Variants in ATF6 observed in about 807,000 individuals in gnomAD.
The protein encoded by ATF6 is activating transcription factor 6.
In ATF6, 53 loss-of-function variants were observed where a neutral mutation model predicts 83.6. That is an observed-to-expected ratio of 0.63 (90% CI 0.51 to 0.80). The LOEUF is 0.80. Ranked by LOEUF, ATF6 falls within the 30% of genes least tolerant of loss-of-function variation. The pLI, the probability that ATF6 is intolerant of heterozygous loss-of-function variation, is 0.00. For synonymous variants in ATF6, 288 were observed against 285.8 expected, an observed-to-expected ratio of 1.01 and a Z score of -0.08; for missense variants, 744 against 797.9, an observed-to-expected ratio of 0.93 and a Z score of 0.81.
intron 15 of ATF6, among the ~76,000 whole-genome samples, chr1:161,932,742 C>G (rs189343447): frequency 1.3e-5 from 2 of 152,296 alleles, no homozygotes; most frequent in South Asian, 2.1e-4. Flanking sequence ...TGGTTCTGCT[C>G]TAGGTCTCTC....
At chr1:161,942,900 G>T (rs893947005) in intron 15 of ATF6, among the ~76,000 whole-genome samples, 107 of 152,288 alleles carry the variant, frequency 7.0e-4, no homozygotes, top group African/African-American at 2.5e-3. Context: ...CTGTCACCCA[G>T]GCTGGAGTGC....
intron 9 of ATF6, among the ~76,000 whole-genome samples, chr1:161,824,834 A>G: frequency 6.6e-6 from 1 of 152,264 alleles, no homozygotes; most frequent in African/African-American, 2.4e-5. Context: ...GCAAGGAATC[A>G]AGGATGCAAA....
At position 161,920,294 on chromosome 1, in the gene ATF6, C is replaced by CTTTTTTTTTTTTTTTTTTTTT. The variant is rs71798307; in HGVS notation, c.1804+7932_1804+7933insTTTTTTTTTTTTTTTTTTTTT. Among the ~76,000 whole-genome samples, 239 of 54,840 alleles carry CTTTTTTTTTTTTTTTTTTTTT rather than the reference C, an allele frequency of 4.4e-3. 75 individuals are homozygous for CTTTTTTTTTTTTTTTTTTTTT. Among genetic ancestry groups the CTTTTTTTTTTTTTTTTTTTTT allele is most frequent in the Non-Finnish European group, 5.7e-3 (172 of 30,142 alleles). The allele number at this position is 54,840 out of a possible 152,430, so 36.0% of individuals were successfully genotyped here. Reference sequence around the variant, plus strand: ...TAGTTCTCTTTCTCTCTCTCTCTCTCTTTTTTTTTTTTTTTTTTGAGACAG... The same window carrying CTTTTTTTTTTTTTTTTTTTTT: ...TAGTTCTCTTTCTCTCTCTCTCTCTCTTTTTTTTTTTTTTTTTTTTTTTTTTTTTTTTTTTTTTTGAGACAG... On this transcript the variant is annotated intron_variant, in intron 15 of 15. Coordinates refer to ENST00000367942, the MANE Select transcript of ATF6 (RefSeq NM_007348.4).
At chr1:161,827,732 AAT>A (rs1348762336) in intron 9 of ATF6, among the ~76,000 whole-genome samples, 1 of 152,220 alleles carries the variant, frequency 6.6e-6, no homozygotes, top group Non-Finnish European at 1.5e-5. Context: ...ATGAAATATA[AAT>A]ATATCTAATG....
rs755727600 is a variant in ATF6 at position 161,853,261 on chromosome 1, G to A, written c.1471G>A (p.Glu491Lys). Reference sequence around the variant, plus strand: ...ACTTCGAGGATGGGTTCATAGACATGAAGTAGAAAGGACCAAGTCAAGAAG... The same window carrying A: ...ACTTCGAGGATGGGTTCATAGACATAAAGTAGAAAGGACCAAGTCAAGAAG... ...HELRGWVHRH[E>K]VERTKSRRMT... Residue 491 changes from glutamate (E) to lysine (K), a missense_variant, in exon 12 of 16, where the codon GAA (glutamate) becomes AAA (lysine). Coordinates refer to ENST00000367942, the MANE Select transcript of ATF6 (RefSeq NM_007348.4). The A allele has an allele frequency of 2.5e-6, 4 of 1,613,682 alleles. No homozygotes were observed. The South Asian group carries it at 4.4e-5, about 18-fold the overall frequency.
At chr1:161,907,518 GC>G (rs1478892739) in intron 14 of ATF6, among the ~76,000 whole-genome samples, 1 of 152,116 alleles carries the variant, frequency 6.6e-6, no homozygotes, top group African/African-American at 2.4e-5. Context: ...CTGTGTGAAA[GC>G]TGCTCAGTGT....
At chr1:161,783,704 T>G (rs1684685118) in intron 3 of ATF6, among the ~76,000 whole-genome samples, 1 of 152,024 alleles carries the variant, frequency 6.6e-6, no homozygotes, top group African/African-American at 2.4e-5. Context: ...TTCTTCTGTT[T>G]ACCCTTCCAG....
intron 15 of ATF6, among the ~76,000 whole-genome samples, chr1:161,923,099 G>T (rs997485830): frequency 2.0e-5 from 3 of 152,104 alleles, no homozygotes; most frequent in Admixed American, 1.3e-4. Flanking sequence ...TGGACCACTA[G>T]AATACTTCTG....
chr1:161,940,634 C>T (rs1300078812), intron 15 of ATF6, among the ~76,000 whole-genome samples: 1 of 144,476 alleles, frequency 6.9e-6, no homozygotes, highest in Non-Finnish European at 1.5e-5. Context: ...TCTTGGCTCA[C>T]TGCAACCTCC....
intron 3 of ATF6, 129 bp from the exon 4 acceptor site, chr1:161,783,861 G>A (rs957685409): frequency 1.4e-5 from 8 of 585,276 alleles, no homozygotes; most frequent in Middle Eastern, 3.6e-4. Flanking sequence ...ATTTTCACTC[G>A]TTATATTTTG....
chr1:161,834,437 T>C (rs1033323533), intron 9 of ATF6, among the ~76,000 whole-genome samples: 8 of 152,092 alleles, frequency 5.3e-5, no homozygotes, highest in African/African-American at 1.9e-4. Flanking sequence ...CATGGAATAC[T>C]ATGCAGCCAT....
intron 14 of ATF6, among the ~76,000 whole-genome samples, chr1:161,901,557 G>T (rs1265764627): frequency 6.7e-6 from 1 of 149,948 alleles, no homozygotes; most frequent in Non-Finnish European, 1.5e-5. Context: ...TTTTTAATAT[G>T]TGATTTAATG....
chr1:161,803,498 A>G (rs1685206849), intron 7 of ATF6, among the ~76,000 whole-genome samples: 1 of 152,330 alleles, frequency 6.6e-6, no homozygotes, highest in South Asian at 2.1e-4. Context: ...AGGTAAGCAC[A>G]ATGCTTATGG....
chr1:161,868,783 G>A (rs1039036468), intron 14 of ATF6, among the ~76,000 whole-genome samples: 1 of 149,864 alleles, frequency 6.7e-6, no homozygotes, highest in Non-Finnish European at 1.5e-5. Context: ...GTCCATTTAT[G>A]ATTTGCACTA....
chr1:161,950,355 T>A (rs1340540730), intron 15 of ATF6, among the ~76,000 whole-genome samples: 1 of 152,176 alleles, frequency 6.6e-6, no homozygotes, highest in African/African-American at 2.4e-5. Context: ...ATGCCTTGAT[T>A]TTAAATGCAA....
chr1:161,787,631 T>A (rs1245056509), intron 4 of ATF6, among the ~76,000 whole-genome samples: 1 of 152,198 alleles, frequency 6.6e-6, no homozygotes, highest in Non-Finnish European at 1.5e-5. Context: ...TGGCTTAGGA[T>A]AAAATTATTC....
chr1:161,797,753 T>C (rs954689785), intron 6 of ATF6, among the ~76,000 whole-genome samples: 10 of 152,100 alleles, frequency 6.6e-5, no homozygotes, highest in African/African-American at 2.4e-4. Context: ...CTCAAAGCAA[T>C]TTACAGATTT....
intron 15 of ATF6, among the ~76,000 whole-genome samples, chr1:161,940,884 TC>T (rs1688629588): frequency 6.6e-6 from 1 of 152,090 alleles, no homozygotes; most frequent in Non-Finnish European, 1.5e-5. Context: ...TTGTCATCTC[TC>T]CACCTCCCCA....
chr1:161,773,869 G>A (rs750668657), intron 1 of ATF6, among the ~76,000 whole-genome samples: 7 of 152,016 alleles, frequency 4.6e-5, no homozygotes, highest in South Asian at 2.1e-4. Context: ...ATAAATATAC[G>A]AGTATATTTA....
Sources: allele counts gnomAD v4.1 joint callset (sites outside exome capture counted in the v4.1 genomes callset), GRCh38; gene constraint gnomAD v4.1.1; transcripts MANE v1.5; gene names NCBI Gene and HGNC (gene_info 2026-07-23, HGNC 2026-07-21).